SAXO5: variants seen among roughly 807,000 people sequenced by gnomAD.
SAXO5 encodes stabilizer of axonemal microtubules 5.
At chr19:7,506,196 G>GAGCCCCGCCCCGGGA in the SAXO5 span, 2 of 1,529,482 alleles carry the variant, frequency 1.3e-6, no homozygotes, top group Non-Finnish European at 1.8e-6. Context: ...CCGCCCCATG[G>GAGCCCCGCCCCGGGA]AGCCCCGCCC....
chr19:7,499,996 T>C, the SAXO5 span: 4 of 132,382 alleles, frequency 3.0e-5, no homozygotes, highest in Non-Finnish European at 6.7e-5. Context: ...TTGCCCAGGC[T>C]GGTCCTGAAC....
the SAXO5 span, chr19:7,507,260 G>T: frequency 1.2e-6 from 1 of 856,368 alleles, no homozygotes; most frequent in Non-Finnish European, 1.9e-6. Flanking sequence ...AGGCTCGGGG[G>T]CATCTTAATA....
the SAXO5 span, chr19:7,505,965 C>G: frequency 1.9e-6 from 3 of 1,578,002 alleles, no homozygotes; most frequent in Non-Finnish European, 2.6e-6. Context: ...GTCCTACAGC[C>G]GCCACCCCCG....
At chr19:7,498,029 C>T in the SAXO5 span, among the ~76,000 whole-genome samples, 142 of 151,428 alleles carry the variant, frequency 9.4e-4, no homozygotes, top group African/African-American at 3.0e-3. Flanking sequence ...CGGACACCTA[C>T]AGTCCCAGCT....
the SAXO5 span, among the ~76,000 whole-genome samples, chr19:7,498,199 A>ACC: frequency 4.8e-5 from 7 of 147,096 alleles, no homozygotes; most frequent in African/African-American, 1.0e-4. Context: ...ACACACACAC[A>ACC]CCCTTCATCC....
chr19:7,506,445 T>G, the SAXO5 span: 12 of 465,756 alleles, frequency 2.6e-5, no homozygotes, highest in East Asian at 1.9e-4. Context: ...TTCATGGCCA[T>G]GCCTCTCCCC....
the SAXO5 span, chr19:7,506,805 A>C: frequency 0.035 from 3,901 of 112,408 alleles, no homozygotes; most frequent in South Asian, 0.046. Flanking sequence ...CTCCTCCCCC[A>C]CCTCCTCCCT....
At chr19:7,506,908 C>T in the SAXO5 span, 2 of 621,920 alleles carry the variant, frequency 3.2e-6, no homozygotes, top group African/African-American at 1.8e-5. Flanking sequence ...GCTCCTCCCT[C>T]CCCCCTCTCC....
At chr19:7,501,347 C>T in the SAXO5 span, 1 of 1,550,816 alleles carries the variant, frequency 6.4e-7, no homozygotes, top group Non-Finnish European at 8.6e-7. Context: ...ACCAGGCGCT[C>T]TTTCCACCCC....
the SAXO5 span, among the ~76,000 whole-genome samples, chr19:7,500,605 C>T: frequency 6.6e-6 from 1 of 152,218 alleles, no homozygotes; most frequent in African/African-American, 2.4e-5. Flanking sequence ...CCCCCGCGCC[C>T]AGCCATGATT....
the SAXO5 span, among the ~76,000 whole-genome samples, chr19:7,505,144 C>T: frequency 1.3e-5 from 2 of 152,068 alleles, no homozygotes; most frequent in African/African-American, 4.8e-5. Flanking sequence ...CCACCATGCC[C>T]GGCTAATTTT....
the SAXO5 span, chr19:7,506,579 C>T: frequency 1.1e-5 from 4 of 353,478 alleles, no homozygotes; most frequent in Non-Finnish European, 2.1e-5. Flanking sequence ...CCCTGCCTGG[C>T]CCTGCCCACA....
chr19:7,506,501 C>T, the SAXO5 span: 14 of 410,114 alleles, frequency 3.4e-5, no homozygotes, highest in African/African-American at 2.3e-4. Context: ...CTTCTCCATC[C>T]TCTCTTATCC....
chr19:7,498,393 CTTTTTTTTTT>C, the SAXO5 span, among the ~76,000 whole-genome samples: 1 of 115,358 alleles, frequency 8.7e-6, no homozygotes, highest in African/African-American at 3.2e-5. Context: ...GTATTTTTTT[CTTTTTTTTTT>C]TTTTTTTTTT....
the SAXO5 span, among the ~76,000 whole-genome samples, chr19:7,501,931 G>A: frequency 6.9e-6 from 1 of 145,900 alleles, no homozygotes; most frequent in African/African-American, 2.5e-5. Context: ...GGGAGGGAGG[G>A]AGGGAGGAAG....
chr19:7,497,890 C>A, the SAXO5 span, among the ~76,000 whole-genome samples: 2 of 152,096 alleles, frequency 1.3e-5, no homozygotes, highest in Non-Finnish European at 2.9e-5. Flanking sequence ...GTGGCTCATG[C>A]CTGTAATCCC....
At chr19:7,502,694 C>T in the SAXO5 span, among the ~76,000 whole-genome samples, 861 of 152,236 alleles carry the variant, frequency 5.7e-3, 5 homozygotes, top group Non-Finnish European at 8.9e-3. Context: ...CCCCACACCC[C>T]CCAGCCTTAC....
chr19:7,504,382 C>T, the SAXO5 span: 1 of 1,614,120 alleles, frequency 6.2e-7, no homozygotes, highest in African/African-American at 1.3e-5. Flanking sequence ...AGAAACAGGC[C>T]TACAGGCCCC....
At chr19:7,507,771 C>T in the SAXO5 span, among the ~76,000 whole-genome samples, 1 of 152,174 alleles carries the variant, frequency 6.6e-6, no homozygotes, top group South Asian at 2.1e-4. Context: ...ATCTTCTTAT[C>T]CAGCTCCTCA....
Sources: gnomAD v4.1 joint callset for allele counts (sites outside exome capture counted in the v4.1 genomes callset) on GRCh38, gnomAD v4.1.1 for gene constraint, MANE v1.5 for transcripts, NCBI Gene and HGNC (gene_info 2026-07-23, HGNC 2026-07-21) for gene names.